Variants in PRH1 observed in about 807,000 individuals in gnomAD.
PRH1 encodes the protein salivary acidic proline-rich phosphoprotein 1/2.
PRH1 carries 7 observed loss-of-function variants against 7.9 expected under a neutral mutation model. The observed-to-expected ratio is 0.89, with a 90% CI of 0.50 to 1.67. The LOEUF is 1.67. Among genes scored for constraint, PRH1 ranks in the 40% most tolerant of loss-of-function variants. The probability of loss-of-function intolerance (pLI) is 0.00; values close to 1 mark genes in which losing one functional copy is unlikely to be tolerated. For missense variants in PRH1, 109 were observed against 223.6 expected (o/e 0.49, Z 3.27); for synonymous variants, 45 against 80.8 (o/e 0.56, Z 2.38).
At chr12:10,976,833 C>T (rs74480874) in intron 1 of PRH1, among the ~76,000 whole-genome samples, 1 of 151,992 alleles carries the variant, frequency 6.6e-6, no homozygotes, top group African/African-American at 2.4e-5. Context: ...GCATAAATTC[C>T]CGGGCATATA....
intron 1 of PRH1, among the ~76,000 whole-genome samples, chr12:10,992,432 T>C (rs1939980106): frequency 6.6e-6 from 1 of 152,168 alleles, no homozygotes; most frequent in East Asian, 1.9e-4. Flanking sequence ...AGACAGAGTC[T>C]TGTTTGGTTG....
chr12:11,167,148 T>C (rs1947605285), intron 1 of PRH1, among the ~76,000 whole-genome samples: 1 of 152,206 alleles, frequency 6.6e-6, no homozygotes, highest in Admixed American at 6.5e-5. Context: ...GGGAAAGCCA[T>C]TATTCTGCCT....
chr12:11,024,625 T>C (rs555171374), intron 1 of PRH1, among the ~76,000 whole-genome samples: 16 of 151,990 alleles, frequency 1.1e-4, no homozygotes, highest in Admixed American at 2.6e-4. Flanking sequence ...GTGATCCATA[T>C]CTTTTCACTT....
At chr12:11,110,824 T>G (rs1945568902) in intron 1 of PRH1, among the ~76,000 whole-genome samples, 1 of 152,088 alleles carries the variant, frequency 6.6e-6, no homozygotes, top group African/African-American at 2.4e-5. Context: ...TAAATGTAAA[T>G]GGGAAAAATA....
At chr12:11,029,753 T>C (rs1241379240) in intron 1 of PRH1, among the ~76,000 whole-genome samples, 1 of 151,962 alleles carries the variant, frequency 6.6e-6, no homozygotes, top group Admixed American at 6.6e-5. Flanking sequence ...CAGTACCGCT[T>C]ATGGTAGACA....
chr12:11,065,975 T>C (rs1328005137), intron 1 of PRH1, among the ~76,000 whole-genome samples: 2 of 152,214 alleles, frequency 1.3e-5, no homozygotes, highest in Non-Finnish European at 2.9e-5. Flanking sequence ...ATTAATAAAA[T>C]ATAATATCTC....
intron 1 of PRH1, among the ~76,000 whole-genome samples, chr12:11,128,181 A>C (rs1036143286): frequency 6.6e-6 from 1 of 152,094 alleles, no homozygotes; most frequent in African/African-American, 2.4e-5. Context: ...GCACTAAAAA[A>C]ACATGTTTTC....
intron 1 of PRH1, among the ~76,000 whole-genome samples, chr12:11,061,120 T>C (rs990623392): frequency 6.6e-6 from 1 of 151,854 alleles, no homozygotes; most frequent in Non-Finnish European, 1.5e-5. Flanking sequence ...GCAGTTTGTG[T>C]GAAAAAACAA....
chr12:10,922,335 G>T (rs1052113462), intron 2 of PRH1, among the ~76,000 whole-genome samples: 17 of 152,192 alleles, frequency 1.1e-4, no homozygotes, highest in Admixed American at 2.0e-4. Flanking sequence ...GCTTTAGCCG[G>T]TTTTTTCATT....
rs142843602 is a variant in PRH1, at chr12:10,986,706, G to A, written c.-125-12985C>T. On this transcript the variant is annotated intron_variant, in intron 1 of 3. Coordinates refer to the PRH1 transcript ENST00000539853. ...CCAGAGCAAACCAATTCTGGAGACC[G>A]CCAGAGCAGTGAGAATTTGGTCAGC... The A allele has an allele frequency of 1.4e-3, 2,255 of 1,612,502 alleles. 58 individuals carry two copies. In the East Asian group the frequency reaches 0.041, roughly 30 times the overall value.
intron 1 of PRH1, among the ~76,000 whole-genome samples, chr12:11,010,580 C>T (rs914003047): frequency 6.6e-6 from 1 of 151,858 alleles, no homozygotes; most frequent in Non-Finnish European, 1.5e-5. Flanking sequence ...ATAAAAAATA[C>T]TTCGCCTTAA....
chr12:11,015,942 TCTAA>T (rs2136052919), intron 1 of PRH1, among the ~76,000 whole-genome samples: 1 of 98,984 alleles, frequency 1.0e-5, no homozygotes, highest in South Asian at 3.7e-4. Context: ...GGCACGTTCT[TCTAA>T]CTATGTGCAG....
At chr12:11,018,144 T>A (rs10772418) in intron 1 of PRH1, among the ~76,000 whole-genome samples, 1 of 151,908 alleles carries the variant, frequency 6.6e-6, no homozygotes, top group South Asian at 2.1e-4. Context: ...GTGGGCATCA[T>A]AGGACTCTGT....
At chr12:11,036,401 G>C (rs906180514) in intron 1 of PRH1, among the ~76,000 whole-genome samples, 3 of 152,140 alleles carry the variant, frequency 2.0e-5, no homozygotes, top group Admixed American at 1.3e-4. Context: ...TTTGGTTATA[G>C]AACTACAACC....
At chr12:10,899,318 A>T (rs1949692197) in intron 2 of PRH1, among the ~76,000 whole-genome samples, 1 of 152,038 alleles carries the variant, frequency 6.6e-6, no homozygotes, top group Admixed American at 6.6e-5. Context: ...TTTTCAGGGG[A>T]CCAAGTCAGA....
At chr12:10,942,746 A>C (rs942606198) in intron 2 of PRH1, among the ~76,000 whole-genome samples, 2 of 152,142 alleles carry the variant, frequency 1.3e-5, no homozygotes, top group Non-Finnish European at 2.9e-5. Context: ...GATGACTTCA[A>C]ATTGTTCCAA....
downstream of PRH1, among the ~76,000 whole-genome samples, chr12:11,119,592 C>T (rs1050897524): frequency 1.8e-4 from 27 of 151,990 alleles, no homozygotes; most frequent in Non-Finnish European, 3.1e-4. Flanking sequence ...AAAGAAATTC[C>T]TAAACTTCCC....
upstream of PRH1, chr12:11,171,527 G>C: frequency 8.1e-7 from 1 of 1,232,332 alleles, no homozygotes; most frequent in Non-Finnish European, 1.0e-6. Flanking sequence ...TCGCGGGCTC[G>C]GTGATCCTCA....
chr12:10,923,966 T>C (rs967951759), intron 2 of PRH1, among the ~76,000 whole-genome samples: 3 of 151,712 alleles, frequency 2.0e-5, no homozygotes, highest in Non-Finnish European at 4.4e-5. Context: ...AAGTGATAAG[T>C]TCTTTTTATT....
Sources: gnomAD v4.1 joint callset for allele counts (sites outside exome capture counted in the v4.1 genomes callset) on GRCh38, gnomAD v4.1.1 for gene constraint, MANE v1.5 for transcripts, NCBI Gene and HGNC (gene_info 2026-07-23, HGNC 2026-07-21) for gene names.